NFS1: variants seen among roughly 807,000 people sequenced by gnomAD.
The protein encoded by NFS1 is NFS1 cysteine desulfurase.
A neutral mutation model predicts 57.3 loss-of-function variants in NFS1; 26 were observed. The ratio of observed to expected loss-of-function variants is 0.45; its 90% confidence interval spans 0.33 to 0.63. The LOEUF (loss-of-function observed/expected upper bound fraction) is 0.63. NFS1 is among the 20% of genes least tolerant of loss of function. The pLI, the probability that NFS1 is intolerant of heterozygous loss-of-function variation, is 0.02. For synonymous variants in NFS1, 209 were observed against 216.3 expected (o/e 0.97, Z 0.30); for missense variants, 505 against 605.8 (o/e 0.83, Z 1.75).
intron 3 of NFS1, among the ~76,000 whole-genome samples, chr20:35,696,975 G>A (rs757964576): frequency 1.1e-4 from 17 of 152,020 alleles, no homozygotes; most frequent in Non-Finnish European, 1.6e-4. Context: ...GTGTGGTGGC[G>A]CATGCCTGTA....
At chr20:35,682,080 C>A in intron 5 of NFS1, 99 bp from the exon 6 acceptor site, 1 of 596,984 alleles carries the variant, frequency 1.7e-6, no homozygotes, top group Non-Finnish European at 3.1e-6. Flanking sequence ...TCTTATACTA[C>A]ATACCTATCT....
Position 35,675,174 on chromosome 20 carries a change from C to A in NFS1, c.819G>T (p.Arg273=). 6.2e-7 allele frequency: 1 copy of A among 1,613,502 alleles called. No individual in the cohort carries two copies. Among genetic ancestry groups the A allele is most frequent in the Non-Finnish European group, 8.5e-7 (1 of 1,179,856 alleles). ...GCAGGGCCTCCACACGCACACGGGG[C>A]CGGCGACGGATGTAGATGGCACCAA... ...KGVGAIYIRR[R]PRVRVEALQS... The change falls in exon 8 of 13, where the codon CGG becomes CGT. Residue 273 remains arginine, a synonymous_variant. Transcript: ENST00000374092.
intron 7 of NFS1, among the ~76,000 whole-genome samples, chr20:35,678,652 G>A (rs897250704): frequency 3.3e-5 from 5 of 151,600 alleles, no homozygotes; most frequent in African/African-American, 7.3e-5. Flanking sequence ...GCAGCGAGCC[G>A]AGATCACACC....
intron 6 of NFS1, 75 bp downstream of exon 6, chr20:35,681,813 A>G: frequency 1.2e-6 from 1 of 813,886 alleles, no homozygotes; most frequent in Non-Finnish European, 2.1e-6. Flanking sequence ...TCCATAGAGT[A>G]TTACAGCTCT....
At position 35,680,786 on chromosome 20, in the gene NFS1, C is replaced by T; in HGVS notation, c.741G>A (p.Met247Ile). The change falls in exon 7 of 13, where the codon ATG becomes ATA. Residue 247 changes from methionine (M) to isoleucine (I), a missense_variant. By Grantham distance (10) the Met-to-Ile change is conservative. Coordinates refer to ENST00000374092, the MANE Select transcript of NFS1 (RefSeq NM_021100.5). ...CACTAATGCTCATGAGATCAATTTT[C>T]ATGTCATTGACATCAAGTGGGATTT... ...VGKIPLDVNDMKIDLMSISGH... is the reference protein window; with the variant it reads ...VGKIPLDVNDIKIDLMSISGH... 3.8e-6 allele frequency: 6 copies of T among 1,577,012 alleles called. No individual in the cohort carries two copies. The highest frequency in any genetic ancestry group is 2.4e-5 in the East Asian group (1 of 41,628).
intron 5 of NFS1, among the ~76,000 whole-genome samples, chr20:35,685,498 G>A (rs2146426552): frequency 6.7e-6 from 1 of 149,970 alleles, no homozygotes; most frequent in East Asian, 1.9e-4. Context: ...CTCCAGCCTG[G>A]GCAACAGAGC....
intron 2 of NFS1, 65 bp from the exon 3 acceptor site, chr20:35,697,865 TC>T: frequency 9.1e-7 from 1 of 1,099,766 alleles, no homozygotes; most frequent in African/African-American, 1.5e-5. Flanking sequence ...ACTCCACCCC[TC>T]AGACCTGGCC....
At position 35,674,498 on chromosome 20, in the gene NFS1, G is replaced by A; in HGVS notation, c.1054+14C>T. On this transcript the variant is annotated intron_variant, in intron 9 of 12. Transcript: ENST00000374092. ...GCCTCTACCAGAATGAGGATAGAAA[G>A]AGCAAGTCCATACCGGGATAATGGT... 1.2e-6 allele frequency: 2 copies of A among 1,612,964 alleles called. No homozygotes were observed. Among genetic ancestry groups the A allele is most frequent in the South Asian group, 2.2e-5 (2 of 91,048 alleles).
In NFS1 at chr20:35,674,538, T is replaced by C. The variant is rs1480813055; in HGVS notation, c.1028A>G (p.Asn343Ser). 1 of 1,613,954 alleles carries C rather than the reference T, an allele frequency of 6.2e-7. No homozygotes were observed. Among genetic ancestry groups the C allele is most frequent in the Non-Finnish European group, 8.5e-7 (1 of 1,179,934 alleles). ...IMKSLPDVVM[N>S]GDPKHHYPGC... is the part of the protein sequence containing the mutation. ...GGGATAATGGTGCTTAGGGTCCCCA[T>C]TCATCACCACATCTGGAAGGCTCTT... The change falls in exon 9 of 13, where the codon AAT (asparagine) becomes AGT (serine). Residue 343 changes from asparagine (N) to serine (S), a missense_variant. Transcript: ENST00000374092.
chr20:35,672,410 C>T lies in NFS1; in HGVS notation c.1310+345G>A, dbSNP rs545352109. Among the ~76,000 whole-genome samples the T allele has an allele frequency of 1.6e-4, 24 of 152,114 alleles. 1 individual carries two copies. The South Asian group carries it at 4.6e-3, about 29-fold the overall frequency. On this transcript the variant is annotated intron_variant, in intron 12 of 12. Transcript: ENST00000374092. ...GATTATAGGGATGCGCCACCACTCCCGGCTAATTTTTTTGTATTTTAGTAG... is the reference window on the plus strand; with the variant it reads ...GATTATAGGGATGCGCCACCACTCCTGGCTAATTTTTTTGTATTTTAGTAG...
intron 12 of NFS1, among the ~76,000 whole-genome samples, chr20:35,671,138 C>T (rs1173220244): frequency 3.9e-5 from 6 of 152,216 alleles, no homozygotes; most frequent in African/African-American, 1.4e-4. Context: ...GAGTCTTGCT[C>T]TGTCGCCCAG....
At chr20:35,672,271 C>T (rs1276844876) in intron 12 of NFS1, among the ~76,000 whole-genome samples, 5 of 150,218 alleles carry the variant, frequency 3.3e-5, no homozygotes, top group African/African-American at 7.4e-5. Context: ...TTTTTTGGGA[C>T]GGAGTTTGGC....
At chr20:35,679,023 C>T (rs2078614526) in intron 7 of NFS1, among the ~76,000 whole-genome samples, 1 of 152,170 alleles carries the variant, frequency 6.6e-6, no homozygotes, top group South Asian at 2.1e-4. Context: ...AAGAATGCCA[C>T]ATTATCTAAA....
At chr20:35,669,989 T>C (rs528314313) in intron 12 of NFS1, among the ~76,000 whole-genome samples, 1 of 152,174 alleles carries the variant, frequency 6.6e-6, no homozygotes, top group Non-Finnish European at 1.5e-5. Flanking sequence ...GAAGCTTTCA[T>C]CCCACTGGTA....
intron 7 of NFS1, among the ~76,000 whole-genome samples, chr20:35,677,678 G>T (rs1195184409): frequency 6.6e-5 from 10 of 152,216 alleles, no homozygotes; most frequent in Admixed American, 6.5e-4. Context: ...ATTGGCACTT[G>T]ACAGTTCTCC....
At chr20:35,673,894 G>A (rs1377513299) in intron 10 of NFS1, 2 of 509,012 alleles carry the variant, frequency 3.9e-6, no homozygotes, top group East Asian at 6.8e-5. Flanking sequence ...CATGGTGGAT[G>A]ACTTCCTTAA....
chr20:35,675,122 T>A lies in NFS1; in HGVS notation c.871A>T (p.Met291Leu), dbSNP rs2034719244. 6.2e-7 allele frequency: 1 copy of A among 1,613,852 alleles called. No homozygotes were observed. Among genetic ancestry groups the A allele is most frequent in the Non-Finnish European group, 8.5e-7 (1 of 1,180,016 alleles). Reference sequence around the variant, plus strand: ...GGTGTGGGCACTGTCCCAGACCGCATACCCCGCTCCTGCCCCCCTCCACTC... The same window carrying A: ...GGTGTGGGCACTGTCCCAGACCGCAAACCCCGCTCCTGCCCCCCTCCACTC... ...LQSGGGQERG[M>L]RSGTVPTPLV... The change falls in exon 8 of 13, where the codon ATG becomes TTG. Residue 291 changes from methionine to leucine, a missense_variant. Coordinates refer to ENST00000374092, the MANE Select transcript of NFS1 (RefSeq NM_021100.5).
At chr20:35,691,611 C>A (rs976569469) in intron 4 of NFS1, among the ~76,000 whole-genome samples, 3 of 150,366 alleles carry the variant, frequency 2.0e-5, no homozygotes, top group Non-Finnish European at 4.4e-5. Flanking sequence ...CCCGGTGGCA[C>A]GCACCTGTAA....
At chr20:35,682,051 ACTTAGT>A (rs2034857204) in intron 5 of NFS1, 70 bp from the exon 6 acceptor site, 4 of 845,066 alleles carry the variant, frequency 4.7e-6, no homozygotes, top group Non-Finnish European at 8.0e-6. Flanking sequence ...ATATAGGCAA[ACTTAGT>A]CATGAAAAGG....
Sources: gnomAD v4.1 joint callset for allele counts (sites outside exome capture counted in the v4.1 genomes callset) on GRCh38, gnomAD v4.1.1 for gene constraint, MANE v1.5 for transcripts, NCBI Gene and HGNC (gene_info 2026-07-23, HGNC 2026-07-21) for gene names.